Variants in PLD1 observed in about 807,000 individuals in gnomAD.
PLD1 encodes the protein choline phosphatase 1.
Under a neutral mutation model 137.1 loss-of-function variants are expected in PLD1, and 112 were observed. That is an observed-to-expected ratio of 0.82 (90% confidence interval 0.70 to 0.96). PLD1 has a LOEUF of 0.96. Ranked by LOEUF, PLD1 falls within the 40% of genes least tolerant of loss-of-function variation. The pLI, the probability that PLD1 is intolerant of heterozygous loss-of-function variation, is 0.00. For missense variants in PLD1, 1,321 were observed against 1,342.0 expected (o/e 0.98, Z 0.24); for synonymous variants, 431 against 454.7 (o/e 0.95, Z 0.66).
intron 1 of PLD1, among the ~76,000 whole-genome samples, chr3:171,805,822 C>T (rs1279146082): frequency 6.6e-6 from 1 of 152,090 alleles, no homozygotes; most frequent in African/African-American, 2.4e-5. Flanking sequence ...GGGATGGATC[C>T]CCAGCTCTAC....
chr3:171,632,224 G>A (rs1734728748), intron 23 of PLD1, among the ~76,000 whole-genome samples: 2 of 152,080 alleles, frequency 1.3e-5, no homozygotes, highest in African/African-American at 2.4e-5. Flanking sequence ...AGAGCAACTG[G>A]CCTGTACTAT....
chr3:171,805,604 T>C (rs1020980099), intron 1 of PLD1, among the ~76,000 whole-genome samples: 1 of 152,162 alleles, frequency 6.6e-6, no homozygotes, highest in East Asian at 1.9e-4. Context: ...CCCTTTGACA[T>C]ACCCATGCTC....
intron 3 of PLD1, among the ~76,000 whole-genome samples, chr3:171,736,021 T>C (rs961553214): frequency 6.6e-6 from 1 of 152,144 alleles, no homozygotes; most frequent in South Asian, 2.1e-4. Context: ...ACCAGGCAAT[T>C]GGCAGGGGTG....
chr3:171,782,291 G>A lies in PLD1; in HGVS notation c.-32+28108C>T, dbSNP rs576855373. Among the ~76,000 whole-genome samples the A allele has an allele frequency of 1.1e-4, 16 of 152,322 alleles. No individual in the cohort carries two copies. The East Asian group carries it at 1.5e-3, about 15-fold the overall frequency. Reference sequence around the variant, plus strand: ...GCAACATGAGGGAACTTTCTGTGGCGATGGTCATGTTCTGTACCTTGAAAA... The same window carrying A: ...GCAACATGAGGGAACTTTCTGTGGCAATGGTCATGTTCTGTACCTTGAAAA... On this transcript the variant is annotated intron_variant, in intron 1 of 26. Transcript: ENST00000351298.
chr3:171,798,109 T>G (rs1723502947), intron 1 of PLD1, among the ~76,000 whole-genome samples: 1 of 152,232 alleles, frequency 6.6e-6, no homozygotes, highest in African/African-American at 2.4e-5. Flanking sequence ...AAGATTGTCC[T>G]ATTATATAAC....
At chr3:171,759,368 A>G (rs1251044593) in intron 1 of PLD1, among the ~76,000 whole-genome samples, 1 of 152,236 alleles carries the variant, frequency 6.6e-6, no homozygotes, top group Non-Finnish European at 1.5e-5. Flanking sequence ...GAAGATACTA[A>G]TTACTGAAGA....
At chr3:171,769,173 C>A (rs1363866200) in intron 1 of PLD1, among the ~76,000 whole-genome samples, 1 of 152,164 alleles carries the variant, frequency 6.6e-6, no homozygotes, top group East Asian at 1.9e-4. Context: ...CTTATCTAAT[C>A]CTTTGCCACA....
At position 171,709,770 on chromosome 3, in the gene PLD1, T is replaced by C. The variant is rs567148724; in HGVS notation, c.912-61A>G. The C allele has an allele frequency of 9.0e-6, 13 of 1,449,618 alleles. No homozygotes were observed. In the East Asian group the frequency reaches 3.0e-4, roughly 33 times the overall value. The allele number at this position is 1,449,618 out of a possible 1,614,324, so 89.8% of individuals were successfully genotyped here. A position where few individuals can be genotyped will look rare whatever the true frequency, so the allele number is the denominator to read the frequency against. The stretch of plus-strand genomic sequence containing the variant: ...CACTCTGTTCTATCTCATGCTCTTT[T>C]TTATTTGGTAATATACCAAACACAA... On this transcript the variant is annotated intron_variant, in intron 9 of 26. Transcript: ENST00000351298.
intron 22 of PLD1, 69 bp downstream of exon 22, chr3:171,644,841 C>A: frequency 1.1e-6 from 1 of 884,320 alleles, no homozygotes; most frequent in Non-Finnish European, 1.9e-6. Flanking sequence ...AGAAACACTG[C>A]CATTCCCTTC....
intron 1 of PLD1, among the ~76,000 whole-genome samples, chr3:171,763,291 T>C (rs1426118230): frequency 6.6e-6 from 1 of 151,504 alleles, no homozygotes; most frequent in Admixed American, 6.6e-5. Flanking sequence ...GCATGGTGGC[T>C]CACACTTGTA....
At chr3:171,731,338 T>C (rs79207178) in intron 6 of PLD1, among the ~76,000 whole-genome samples, 2,157 of 152,324 alleles carry the variant, frequency 0.014, 52 homozygotes, top group African/African-American at 0.046. Context: ...TTCACAAATA[T>C]GAGGCAGAGG....
intron 3 of PLD1, 129 bp from the exon 4 acceptor site, chr3:171,735,766 C>T: frequency 1.7e-6 from 1 of 602,632 alleles, no homozygotes. Context: ...TGTGTAAGTA[C>T]TTAAGTAAAT....
chr3:171,773,176 C>T (rs1016929626), intron 1 of PLD1, among the ~76,000 whole-genome samples: 1 of 152,136 alleles, frequency 6.6e-6, no homozygotes, highest in Admixed American at 6.5e-5. Flanking sequence ...TGATATTAAC[C>T]TTAATGAAGA....
intron 23 of PLD1, 76 bp downstream of exon 23, chr3:171,642,764 T>C (rs929974167): frequency 4.3e-5 from 35 of 806,756 alleles, no homozygotes; most frequent in Non-Finnish European, 6.6e-5. Flanking sequence ...AATCACACTG[T>C]GAAAACATTA....
intron 21 of PLD1, among the ~76,000 whole-genome samples, chr3:171,648,424 T>A (rs1357666809): frequency 6.6e-6 from 1 of 152,248 alleles, no homozygotes; most frequent in African/African-American, 2.4e-5. Context: ...TTAGAAATAG[T>A]GTAAGAATTT....
intron 11 of PLD1, among the ~76,000 whole-genome samples, chr3:171,708,498 T>A (rs189012633): frequency 7.2e-5 from 11 of 152,334 alleles, no homozygotes; most frequent in Admixed American, 5.9e-4. Context: ...TTTACTGACA[T>A]GAAAACTTGG....
intron 3 of PLD1, among the ~76,000 whole-genome samples, chr3:171,737,087 C>T (rs4256166): frequency 0.27 from 40,764 of 152,104 alleles, 5,894 homozygotes; most frequent in Admixed American, 0.32. Context: ...TCCAGTATCC[C>T]GGCTTTTTTT....
At chr3:171,670,406 G>T (rs1179868312) in intron 19 of PLD1, among the ~76,000 whole-genome samples, 2 of 152,160 alleles carry the variant, frequency 1.3e-5, no homozygotes, top group East Asian at 3.9e-4. Context: ...TCTAGAAAAG[G>T]CCTGGGTGGC....
chr3:171,763,526 A>G (rs1578433984), intron 1 of PLD1, among the ~76,000 whole-genome samples: 1 of 19,028 alleles, frequency 5.3e-5, no homozygotes, highest in African/African-American at 2.3e-4. Context: ...AAGGGAGCGG[A>G]GGGGAGGAGA....
Sources: gnomAD v4.1 joint callset for allele counts (sites outside exome capture counted in the v4.1 genomes callset) on GRCh38, gnomAD v4.1.1 for gene constraint, MANE v1.5 for transcripts, NCBI Gene and HGNC (gene_info 2026-07-23, HGNC 2026-07-21) for gene names.